Variants in ROBO2 observed in about 807,000 individuals in gnomAD.
The protein encoded by ROBO2 is roundabout guidance receptor 2.
Under a neutral mutation model 160.8 loss-of-function variants are expected in ROBO2, and 53 were observed. The ratio of observed to expected loss-of-function variants is 0.33; its 90% CI spans 0.26 to 0.41. The LOEUF is 0.41. Ranked by LOEUF, ROBO2 falls within the 10% of genes least tolerant of loss-of-function variation. The pLI is 1.00. For missense variants in ROBO2, 1,577 were observed against 1,722.4 expected (o/e 0.92, Z 1.49); for synonymous variants, 664 against 611.7 (o/e 1.09, Z -1.26).
chr3:76,612,816 A>G (rs1054003907), intron 2 of ROBO2, among the ~76,000 whole-genome samples: 5 of 152,152 alleles, frequency 3.3e-5, no homozygotes, highest in Admixed American at 2.0e-4. Flanking sequence ...TGATCTCTTT[A>G]TGATTATATA....
intron 16 of ROBO2, among the ~76,000 whole-genome samples, chr3:77,585,818 G>A (rs549168653): frequency 1.3e-5 from 2 of 152,154 alleles, no homozygotes; most frequent in South Asian, 4.1e-4. Flanking sequence ...AAGTGATTTA[G>A]TGATGGCTAA....
intron 2 of ROBO2, among the ~76,000 whole-genome samples, chr3:77,385,901 C>T (rs1185699975): frequency 2.0e-5 from 3 of 152,178 alleles, no homozygotes; most frequent in Non-Finnish European, 2.9e-5. Flanking sequence ...GTTTCTATCA[C>T]ATCACTTCTA....
intron 2 of ROBO2, among the ~76,000 whole-genome samples, chr3:76,779,168 TA>T (rs1349494263): frequency 6.6e-6 from 1 of 150,986 alleles, no homozygotes; most frequent in Non-Finnish European, 1.5e-5. Context: ...TCTACTCCTT[TA>T]AAAAATATTG....
At chr3:76,395,175 C>A (rs2077366269) in intron 2 of ROBO2, among the ~76,000 whole-genome samples, 1 of 151,432 alleles carries the variant, frequency 6.6e-6, no homozygotes, top group Non-Finnish European at 1.5e-5. Flanking sequence ...AAGAAACTCA[C>A]TCAAAACCGC....
intron 2 of ROBO2, among the ~76,000 whole-genome samples, chr3:77,451,623 A>C (rs1238615592): frequency 6.6e-6 from 1 of 152,092 alleles, no homozygotes; most frequent in Non-Finnish European, 1.5e-5. Context: ...CTCTTTGACT[A>C]TTCCACCATT....
At chr3:77,521,998 A>G (rs2090645098) in intron 5 of ROBO2, among the ~76,000 whole-genome samples, 1 of 151,310 alleles carries the variant, frequency 6.6e-6, no homozygotes, top group African/African-American at 2.4e-5. Flanking sequence ...GGTAAATATC[A>G]GGAGGAAAGA....
intron 2 of ROBO2, among the ~76,000 whole-genome samples, chr3:76,129,884 A>G (rs1377552589): frequency 3.3e-5 from 5 of 151,964 alleles, no homozygotes; most frequent in Admixed American, 2.0e-4. Flanking sequence ...ATAACTCTAG[A>G]TCATTTTGAT....
chr3:77,574,447 T>C, intron 13 of ROBO2, 52 bp from the exon 15 acceptor site: 1 of 1,437,500 alleles, frequency 7.0e-7, no homozygotes, highest in Admixed American at 1.7e-5. Context: ...ATTCATTGTG[T>C]TGTCTAAAAT....
At chr3:76,193,650 C>T (rs545099349) in intron 2 of ROBO2, among the ~76,000 whole-genome samples, 20 of 152,136 alleles carry the variant, frequency 1.3e-4, no homozygotes, top group African/African-American at 2.9e-4. Flanking sequence ...GAAAATCTTT[C>T]GAAACTTACT....
intron 2 of ROBO2, among the ~76,000 whole-genome samples, chr3:76,452,926 T>A (rs1211530933): frequency 2.0e-5 from 3 of 151,956 alleles, no homozygotes; most frequent in South Asian, 2.1e-4. Context: ...TGATGGCCAG[T>A]GATGGTGAGC....
At chr3:76,692,567 C>A (rs1040756242) in intron 2 of ROBO2, among the ~76,000 whole-genome samples, 2 of 152,104 alleles carry the variant, frequency 1.3e-5, no homozygotes, top group Admixed American at 6.6e-5. Context: ...TACAGGTCTT[C>A]TGAGATGATC....
At chr3:76,626,513 T>G (rs1433946395) in intron 2 of ROBO2, among the ~76,000 whole-genome samples, 1 of 151,978 alleles carries the variant, frequency 6.6e-6, no homozygotes, top group Non-Finnish European at 1.5e-5. Flanking sequence ...TAAAGAAGTA[T>G]TTTGTGGAAG....
chr3:77,641,420 G>A (rs143229919), intron 24 of ROBO2, among the ~76,000 whole-genome samples: 32 of 152,210 alleles, frequency 2.1e-4, no homozygotes, highest in African/African-American at 4.6e-4. Flanking sequence ...TGAAAGGAGC[G>A]GCTTAGCTGA....
intron 2 of ROBO2, among the ~76,000 whole-genome samples, chr3:77,464,656 G>A (rs1478544362): frequency 6.8e-6 from 1 of 147,702 alleles, no homozygotes; most frequent in Non-Finnish European, 1.5e-5. Context: ...AAAATAGAAA[G>A]TTATCCAATT....
At chr3:76,930,276 G>C (rs2077251945) in intron 2 of ROBO2, among the ~76,000 whole-genome samples, 1 of 151,970 alleles carries the variant, frequency 6.6e-6, no homozygotes, top group Non-Finnish European at 1.5e-5. Context: ...CAAAGTGCTG[G>C]GATTACAGGT....
intron 2 of ROBO2, among the ~76,000 whole-genome samples, chr3:77,289,126 G>A (rs2060847639): frequency 6.6e-6 from 1 of 152,136 alleles, no homozygotes; most frequent in South Asian, 2.1e-4. Flanking sequence ...AGTGGGTGAA[G>A]TTGGTTGAAG....
chr3:76,593,134 C>G (rs1389333015), intron 2 of ROBO2, among the ~76,000 whole-genome samples: 1 of 152,056 alleles, frequency 6.6e-6, no homozygotes, highest in Admixed American at 6.6e-5. Context: ...GTGCATCATG[C>G]TGAATACACA....
Position 77,634,810 on chromosome 3 carries a change from A to C in ROBO2, c.3761-60A>C. The C allele has an allele frequency of 2.0e-6, 3 of 1,514,698 alleles. No homozygotes were observed. In the South Asian group the frequency reaches 3.4e-5, roughly 17 times the overall value. The allele number at this position is 1,514,698 out of a possible 1,614,324, so 93.8% of individuals were successfully genotyped here. A position where few individuals can be genotyped will look rare whatever the true frequency, so the allele number is the denominator to read the frequency against. On this transcript the variant is annotated intron_variant, in intron 23 of 25. Transcript: ENST00000461745. ...GTTAGTCATAGTGCAGAAATATAGG[A>C]CAGAATCAGTGTGCTATAATGTCAT...
At chr3:76,783,898 T>C (rs2062815045) in intron 2 of ROBO2, among the ~76,000 whole-genome samples, 1 of 151,122 alleles carries the variant, frequency 6.6e-6, no homozygotes, top group Non-Finnish European at 1.5e-5. Context: ...ATCAGCTTTC[T>C]TTACTCTTTT....
Sources: gnomAD v4.1 joint callset for allele counts (sites outside exome capture counted in the v4.1 genomes callset) on GRCh38, gnomAD v4.1.1 for gene constraint, MANE v1.5 for transcripts, NCBI Gene and HGNC (gene_info 2026-07-23, HGNC 2026-07-21) for gene names.